Variants in RASGRP2 observed in about 807,000 individuals in gnomAD.
RASGRP2 encodes RAS guanyl releasing protein 2, also known as RAS guanyl-releasing protein 2.
In RASGRP2, 44 loss-of-function variants were observed where a neutral mutation model predicts 71.0. The observed-to-expected ratio is 0.62, with a 90% confidence interval of 0.49 to 0.80. The LOEUF is 0.80. Ranked by LOEUF, RASGRP2 falls within the 30% of genes least tolerant of loss-of-function variation. The probability of loss-of-function intolerance (pLI) is 0.00; values close to 1 mark genes in which losing one functional copy is unlikely to be tolerated. For missense variants in RASGRP2, 663 were observed against 813.4 expected (o/e 0.82, Z 2.25); for synonymous variants, 350 against 330.7 (o/e 1.06, Z -0.63).
chr11:64,735,063 A>C lies in RASGRP2; in HGVS notation c.1412+49T>G. 3 of 1,368,046 alleles carry C rather than the reference A, an allele frequency of 2.2e-6. No homozygotes were observed. The highest frequency in any genetic ancestry group is 3.1e-6 in the Non-Finnish European group (3 of 955,550). 84.7% of individuals were successfully genotyped at this position (1,368,046 alleles called of 1,614,324 possible). ...CACAAGAAACTGAAGCCCAGGCAGA[A>C]GTGGGCTGAGTTGCCTTCCCTCTCC... is the stretch of plus-strand genomic sequence containing the variant. On this transcript the variant is annotated intron_variant, in intron 12 of 16. Transcript: ENST00000394432. This position sits in a 1 kb window ranked among gnomAD's most constrained non-coding sequence, Gnocchi z 4.2.
At position 64,735,341 on chromosome 11, in the gene RASGRP2, C is replaced by G; in HGVS notation, c.1297-114G>C. ...TTGATGAGGTGTGTCTCAGAGAGGT[C>G]TCTGACACCACCCCCGTTCCATACC... On this transcript the variant is annotated intron_variant, in intron 11 of 16. Coordinates refer to ENST00000394432, the MANE Select transcript of RASGRP2 (RefSeq NM_001098671.2). This position sits in a 1 kb window ranked among gnomAD's most constrained non-coding sequence, Gnocchi z 4.2. The G allele has an allele frequency of 7.9e-7, 1 of 1,266,258 alleles. No individual in the cohort carries two copies. The highest frequency in any genetic ancestry group is 1.1e-6 in the Non-Finnish European group (1 of 876,132). 78.4% of individuals were successfully genotyped at this position (1,266,258 alleles called of 1,614,324 possible).
At position 64,736,038 on chromosome 11, in the gene RASGRP2, G is replaced by A. The variant is rs1194723605; in HGVS notation, c.1096-58C>T. The A allele has an allele frequency of 1.3e-5, 19 of 1,471,824 alleles. No homozygotes were observed. The East Asian group carries it at 3.9e-4, about 30-fold the overall frequency. 91.2% of individuals were successfully genotyped at this position (1,471,824 alleles called of 1,614,324 possible). On this transcript the variant is annotated intron_variant, in intron 9 of 16. Transcript: ENST00000394432. ...CCCCTGCCCACAGCCACAGAGCCCA[G>A]GGCCAAAGGTCGACCTAGAGGCCAC...
At chr11:64,730,217 T>C (rs2135732230) in intron 12 of RASGRP2, 23 bp from the exon 13 acceptor site, 1 of 1,551,412 alleles carries the variant, frequency 6.4e-7, no homozygotes, top group Non-Finnish European at 8.7e-7. Flanking sequence ...GCGGGGGCGC[T>C]TCAGCTCGGG....
Position 64,736,024 on chromosome 11 carries a change from A to G in RASGRP2, c.1096-44T>C, listed in dbSNP as rs556356. 1,559,303 of 1,569,376 alleles carry G rather than the reference A, an allele frequency of 0.99. 775,171 individuals carry two copies. The highest frequency in any genetic ancestry group is 1 in the East Asian group (44,549 of 44,554). ...ATCACCCCCACTGGCCCCTGCCCAC[A>G]GCCACAGAGCCCAGGGCCAAAGGTC... is the stretch of plus-strand genomic sequence containing the variant. On this transcript the variant is annotated intron_variant, in intron 9 of 16. Transcript: ENST00000394432.
Position 64,735,363 on chromosome 11 carries a change from TACCTCC to T in RASGRP2, c.1297-142_1297-137del. ...GGTCTCTGACACCACCCCCGTTCCA[TACCTCC>T]ACCCCCACCCTACCCAGGGGCACTT... On this transcript the variant is annotated intron_variant, in intron 11 of 16. Coordinates refer to ENST00000394432, the MANE Select transcript of RASGRP2 (RefSeq NM_001098671.2). The surrounding 1 kb of genome is among the most constrained non-coding windows in gnomAD (Gnocchi z 4.2). The T allele has an allele frequency of 7.7e-7, 1 of 1,296,842 alleles. No homozygotes were observed. The highest frequency in any genetic ancestry group is 1.1e-6 in the Non-Finnish European group (1 of 903,236). The allele number at this position is 1,296,842 out of a possible 1,614,324, so 80.3% of individuals were successfully genotyped here.
rs1034605271 is a variant in RASGRP2, at chr11:64,736,706, C to G, written c.1095+47G>C. 3.2e-6 allele frequency: 5 copies of G among 1,546,822 alleles called. No homozygotes were observed. In the African/African-American group the frequency reaches 5.5e-5, roughly 17 times the overall value. On this transcript the variant is annotated intron_variant, in intron 9 of 16. Coordinates refer to ENST00000394432, the MANE Select transcript of RASGRP2 (RefSeq NM_001098671.2). The stretch of plus-strand genomic sequence containing the variant: ...CACAGCCAGGACCTGGGGAAACTGT[C>G]AACCCCTGGTGCCCAGCTCCCCACC...
Position 64,732,818 on chromosome 11 carries a change from C to T in RASGRP2, c.1412+2294G>A, listed in dbSNP as rs1316725485. On this transcript the variant is annotated intron_variant, in intron 12 of 16. Coordinates refer to ENST00000394432, the MANE Select transcript of RASGRP2 (RefSeq NM_001098671.2). ...ATACAAAATTAGCCAGGCATGGTGG[C>T]GCGCGCCTGTAATCCCAGCTACTCG... Among the ~76,000 whole-genome samples, 7 of 149,046 alleles carry T rather than the reference C, an allele frequency of 4.7e-5. No homozygotes were observed. In the East Asian group the frequency reaches 1.0e-3, roughly 21 times the overall value.
upstream of RASGRP2, chr11:64,744,868 G>GCCCCGC (rs1463254778): frequency 1.7e-4 from 21 of 125,828 alleles, no homozygotes; most frequent in African/African-American, 5.1e-4. Context: ...GCTCCCCGCC[G>GCCCCGC]CCCCGCCCCC....
chr11:64,737,969 C>G (rs750733948), intron 8 of RASGRP2, among the ~76,000 whole-genome samples: 1 of 151,570 alleles, frequency 6.6e-6, no homozygotes, highest in South Asian at 2.1e-4. Flanking sequence ...TCACGTAAAC[C>G]CAGGAGACGG....
rs1007980767 is a variant in RASGRP2 at position 64,744,043 on chromosome 11, C to A, written c.-112G>T. The A allele has an allele frequency of 2.0e-6, 2 of 988,378 alleles. No individual in the cohort carries two copies. Among genetic ancestry groups the A allele is most frequent in the Non-Finnish European group, 2.4e-6 (2 of 831,146 alleles). The allele number at this position is 988,378 out of a possible 1,614,324, so 61.2% of individuals were successfully genotyped here. A position where few individuals can be genotyped will look rare whatever the true frequency, so the allele number is the denominator to read the frequency against. On this transcript the variant is annotated 5_prime_UTR_variant, in exon 1 of 17. Transcript: ENST00000394432. ...CAGAATGCAAACCCGCGGACGAGGTCGCCTCCTGGACGTGCTGTTCACTTG... is the reference window on the plus strand; with the variant it reads ...CAGAATGCAAACCCGCGGACGAGGTAGCCTCCTGGACGTGCTGTTCACTTG...
Position 64,739,951 on chromosome 11 carries a change from C to T in RASGRP2, c.522+62G>A. 1.2e-6 allele frequency: 2 copies of T among 1,612,876 alleles called. No homozygotes were observed. Among genetic ancestry groups the T allele is most frequent in the South Asian group, 1.1e-5 (1 of 90,960 alleles). Reference sequence around the variant, plus strand: ...ACCCAGCCTACGCCAGGGACCCTGCCCCTCCTAGAACTCTCTTCCAGCCCA... The same window carrying T: ...ACCCAGCCTACGCCAGGGACCCTGCTCCTCCTAGAACTCTCTTCCAGCCCA... On this transcript the variant is annotated intron_variant, in intron 6 of 16. Coordinates refer to ENST00000394432, the MANE Select transcript of RASGRP2 (RefSeq NM_001098671.2). This position sits in a 1 kb window ranked among gnomAD's most constrained non-coding sequence, Gnocchi z 4.2.
In RASGRP2 at chr11:64,739,292, C is replaced by CA; in HGVS notation, c.813+67dup. The stretch of plus-strand genomic sequence containing the variant: ...AATGAGGACAGCTGTGCCCAGCCCC[C>CA]AGTGCTGCTGGGAGGACCCAGTGAA... On this transcript the variant is annotated intron_variant, in intron 8 of 16. Coordinates refer to ENST00000394432, the MANE Select transcript of RASGRP2 (RefSeq NM_001098671.2). This position sits in a 1 kb window ranked among gnomAD's most constrained non-coding sequence, Gnocchi z 4.2. 8.4e-7 allele frequency: 1 copy of CA among 1,186,306 alleles called. No homozygotes were observed. The highest frequency in any genetic ancestry group is 1.3e-6 in the Non-Finnish European group (1 of 790,872). 73.5% of individuals were successfully genotyped at this position (1,186,306 alleles called of 1,614,324 possible).
intron 12 of RASGRP2, among the ~76,000 whole-genome samples, 181 bp from the exon 13 acceptor site, chr11:64,730,375 C>T (rs773895376): frequency 1.2e-4 from 19 of 152,068 alleles, no homozygotes; most frequent in Non-Finnish European, 2.6e-4. Flanking sequence ...TGCCGCTAAC[C>T]AGTGTGTGGT....
At position 64,742,461 on chromosome 11, in the gene RASGRP2, C is replaced by T; in HGVS notation, c.73+333G>A. On this transcript the variant is annotated intron_variant, in intron 2 of 16. Transcript: ENST00000394432. This position sits in a 1 kb window ranked among gnomAD's most constrained non-coding sequence, Gnocchi z 4.7. ...GCACCCCTTCACCAGATAAGCCGCC[C>T]CCCATTAGCCGGAAACAGCTCCCAG... 1.8e-6 allele frequency: 1 copy of T among 562,844 alleles called. No homozygotes were observed. The highest frequency in any genetic ancestry group is 2.0e-5 in the South Asian group (1 of 48,820). The allele number at this position is 562,844 out of a possible 1,614,324, so 34.9% of individuals were successfully genotyped here.
In RASGRP2 at chr11:64,735,346, A is replaced by C; in HGVS notation, c.1297-119T>G. 7.9e-7 allele frequency: 1 copy of C among 1,273,372 alleles called. No individual in the cohort carries two copies. The highest frequency in any genetic ancestry group is 1.2e-5 in the South Asian group (1 of 82,400). The allele number at this position is 1,273,372 out of a possible 1,614,324, so 78.9% of individuals were successfully genotyped here. A position where few individuals can be genotyped will look rare whatever the true frequency, so the allele number is the denominator to read the frequency against. On this transcript the variant is annotated intron_variant, in intron 11 of 16. Transcript: ENST00000394432. This position sits in a 1 kb window ranked among gnomAD's most constrained non-coding sequence, Gnocchi z 4.2. ...GAGGTGTGTCTCAGAGAGGTCTCTG[A>C]CACCACCCCCGTTCCATACCTCCAC... is the stretch of plus-strand genomic sequence containing the variant.
intron 12 of RASGRP2, among the ~76,000 whole-genome samples, chr11:64,734,697 GT>G (rs1450247267): frequency 6.6e-6 from 1 of 152,166 alleles, no homozygotes; most frequent in African/African-American, 2.4e-5. Context: ...AGAACCAGCT[GT>G]TTTTCCAAAT....
At position 64,730,116 on chromosome 11, in the gene RASGRP2, GA is replaced by G. The variant is rs752492512; in HGVS notation, c.1490del (p.Phe497SerfsTer22). ...AGTTGCTCTCCTGGAAGTTGTGTAC[GA>G]AGCCCATGCGCCCCCCCAACACAGA... is the stretch of plus-strand genomic sequence containing the variant. Reference protein sequence around the residue: ...SSSVLGGRMGFVHNFQESNSL... With the variant: ...SSSVLGGRMGXVHNFQESNSL... On this transcript the variant is annotated frameshift_variant, in exon 13 of 17. Coordinates refer to ENST00000394432, the MANE Select transcript of RASGRP2 (RefSeq NM_001098671.2). LOFTEE classifies it high-confidence loss of function. 73 of 1,550,962 alleles carry G rather than the reference GA, an allele frequency of 4.7e-5. No individual in the cohort carries two copies. Among genetic ancestry groups the G allele is most frequent in the Non-Finnish European group, 6.2e-5 (71 of 1,147,056 alleles).
Position 64,743,867 on chromosome 11 carries a change from A to G in RASGRP2, c.-72+136T>C, listed in dbSNP as rs545549031. 39 of 466,428 alleles carry G rather than the reference A, an allele frequency of 8.4e-5. 1 individual carries two copies. In the South Asian group the frequency reaches 1.7e-3, roughly 20 times the overall value. 28.9% of individuals were successfully genotyped at this position (466,428 alleles called of 1,614,324 possible). ...CCAAGTTATTCGTCGGAGGCCGGGG[A>G]CCTAAGTGGAGGTGCAGGCGTCCGC... On this transcript the variant is annotated intron_variant, in intron 1 of 16. Transcript: ENST00000394432. The surrounding 1 kb of genome is among the most constrained non-coding windows in gnomAD (Gnocchi z 4.9).
Position 64,735,939 on chromosome 11 carries a change from C to G in RASGRP2, c.1137G>C (p.Gln379His). Residue 379 changes from glutamine (Q) to histidine (H), a missense_variant, in exon 10 of 17, where the codon CAG becomes CAC. Gln to His is a conservative substitution (Grantham distance 24, BLOSUM62 0). Transcript: ENST00000394432. This position sits in a 1 kb window ranked among gnomAD's most constrained non-coding sequence, Gnocchi z 4.2. ...DQYQTEDELYQLSLQREPRSK... is the reference protein window; with the variant it reads ...DQYQTEDELYHLSLQREPRSK... ...AGCGCGGCTCCCGCTGCAGGGACAGCTGGTACAGCTCATCCTCCGTCTGAT... is the reference window on the plus strand; with the variant it reads ...AGCGCGGCTCCCGCTGCAGGGACAGGTGGTACAGCTCATCCTCCGTCTGAT... 1 of 1,614,028 alleles carries G rather than the reference C, an allele frequency of 6.2e-7. No individual in the cohort carries two copies. Among genetic ancestry groups the G allele is most frequent in the Non-Finnish European group, 8.5e-7 (1 of 1,179,964 alleles).
Sources: allele counts gnomAD v4.1 joint callset (sites outside exome capture counted in the v4.1 genomes callset), GRCh38; gene constraint gnomAD v4.1.1; non-coding constraint Gnocchi (gnomAD v3.1); transcripts MANE v1.5; gene names NCBI Gene and HGNC (gene_info 2026-07-23, HGNC 2026-07-21).